C2CD5: variants seen among roughly 807,000 people sequenced by gnomAD.
C2CD5 encodes the protein C2 calcium dependent domain containing 5.
Under a neutral mutation model 130.3 loss-of-function variants are expected in C2CD5, and 109 were observed. The observed-to-expected ratio is 0.84, with a 90% confidence interval of 0.72 to 0.98. C2CD5 has a LOEUF of 0.98. C2CD5 is among the 50% of genes least tolerant of loss of function. C2CD5 has a pLI of 0.00. For synonymous variants in C2CD5, 454 were observed against 429.2 expected (o/e 1.06, Z -0.71); for missense variants, 996 against 1,261.8 (o/e 0.79, Z 3.19).
intron 3 of C2CD5, among the ~76,000 whole-genome samples, chr12:22,531,562 T>C (rs113903665): frequency 3.9e-5 from 6 of 152,188 alleles, no homozygotes; most frequent in African/African-American, 1.4e-4. Flanking sequence ...TTCAATGTTC[T>C]AGCAGATAAC....
Position 22,474,808 on chromosome 12 carries a change from C to G in C2CD5, c.1986G>C (p.Ser662=). 6.2e-7 allele frequency: 1 copy of G among 1,610,258 alleles called. No individual in the cohort carries two copies. Among genetic ancestry groups the G allele is most frequent in the South Asian group, 1.1e-5 (1 of 90,510 alleles). The change falls in exon 16 of 27, where the codon TCG becomes TCC. Residue 662 remains serine (S), a synonymous_variant. Transcript: ENST00000446597. ...SRLLRSQSES[S]DEVTELDLSH... is the part of the protein sequence containing the mutation. ...AAAGGTCTAATTCTGTAACTTCATC[C>G]GAGCTTTCTGATTGAGATCTTAGAA...
chr12:22,465,614 T>G (rs546086115), intron 22 of C2CD5, among the ~76,000 whole-genome samples: 14 of 152,044 alleles, frequency 9.2e-5, no homozygotes, highest in Non-Finnish European at 1.5e-4. Flanking sequence ...TTTTTACTCT[T>G]CTCCCAGACC....
intron 2 of C2CD5, among the ~76,000 whole-genome samples, chr12:22,543,377 T>A (rs1001360417): frequency 6.6e-6 from 1 of 152,218 alleles, no homozygotes; most frequent in East Asian, 1.9e-4. Flanking sequence ...ACTTCCTACC[T>A]CAAGGCGCTA....
At chr12:22,514,499 GAA>G (rs1949512904) in intron 8 of C2CD5, among the ~76,000 whole-genome samples, 1 of 151,842 alleles carries the variant, frequency 6.6e-6, no homozygotes, top group African/African-American at 2.4e-5. Flanking sequence ...TGAAATATCA[GAA>G]AATAGAGCAG....
chr12:22,451,257 A>T (rs1024083631), intron 26 of C2CD5, among the ~76,000 whole-genome samples: 18 of 152,234 alleles, frequency 1.2e-4, no homozygotes, highest in African/African-American at 4.3e-4. Flanking sequence ...ACTACAATTA[A>T]TTTTTTTAAG....
In C2CD5 at chr12:22,458,476, C is replaced by T. The variant is rs770634234; in HGVS notation, c.2686+8G>A. ...GATTATCATAATGTGGTAGAAACAT[C>T]CGCCTACTTGTCTTAATTGATCCAC... On this transcript the variant is annotated splice_region_variant and intron_variant, in intron 24 of 26. Transcript: ENST00000446597. 2.2e-5 allele frequency: 26 copies of T among 1,206,558 alleles called. No homozygotes were observed. The African/African-American group carries it at 3.3e-4, about 15-fold the overall frequency. The allele number at this position is 1,206,558 out of a possible 1,614,324, so 74.7% of individuals were successfully genotyped here. A position where few individuals can be genotyped will look rare whatever the true frequency, so the allele number is the denominator to read the frequency against.
In C2CD5 at chr12:22,484,847, A is replaced by G. The variant is rs749101595; in HGVS notation, c.1400T>C (p.Ile467Thr). 7 of 1,584,308 alleles carry G rather than the reference A, an allele frequency of 4.4e-6. No homozygotes were observed. In the East Asian group the frequency reaches 1.4e-4, roughly 31 times the overall value. The change falls in exon 13 of 27, where the codon ATA becomes ACA. Residue 467 changes from isoleucine to threonine, a missense_variant. Physicochemically the swap from Ile to Thr is moderately conservative, Grantham distance 89. Transcript: ENST00000446597. ...TGGCATATTCAGTTCATCATATGGT[A>G]TATGACAAAATCCACAACGTGTAGG... ...NLPTRCGFCH[I>T]PYDELNMPFP... is the part of the protein sequence containing the mutation.
intron 8 of C2CD5, chr12:22,514,872 TAGAA>T (rs1433376036): frequency 4.2e-6 from 2 of 473,646 alleles, no homozygotes; most frequent in South Asian, 9.1e-5. Flanking sequence ...AGAAAAATAA[TAGAA>T]AGGCATCTTG....
At chr12:22,491,639 C>T (rs898814878) in intron 11 of C2CD5, among the ~76,000 whole-genome samples, 1 of 151,928 alleles carries the variant, frequency 6.6e-6, no homozygotes, top group Admixed American at 6.6e-5. Flanking sequence ...TTTGGGAGGC[C>T]GAGGTGGACA....
Position 22,493,280 on chromosome 12 carries a change from T to C in C2CD5, c.1205A>G (p.His402Arg), listed in dbSNP as rs759444941. 5 of 1,612,410 alleles carry C rather than the reference T, an allele frequency of 3.1e-6. No homozygotes were observed. The highest frequency in any genetic ancestry group is 2.2e-5 in the East Asian group (1 of 44,856). ...WAEIRQEIKS[H>R]AKALGCHAVV... ...AGCATGACAGCCTAATGCTTTAGCA[T>C]GTGATTTTATTTCTTGTCTGATTTC... The change falls in exon 11 of 27, where the codon CAT (histidine) becomes CGT (arginine). Residue 402 changes from histidine (H) to arginine (R), a missense_variant. This residue lies in a region of C2CD5 where 590 missense variants were observed against 631.4 expected (regional missense o/e 0.93). Transcript: ENST00000446597.
intron 10 of C2CD5, among the ~76,000 whole-genome samples, chr12:22,504,077 A>C (rs1232601311): frequency 6.6e-6 from 1 of 152,066 alleles, no homozygotes; most frequent in East Asian, 1.9e-4. Context: ...AATAGGAATC[A>C]TTCTTTTCTT....
At chr12:22,492,425 A>G (rs1946470442) in intron 11 of C2CD5, among the ~76,000 whole-genome samples, 1 of 152,224 alleles carries the variant, frequency 6.6e-6, no homozygotes, top group African/African-American at 2.4e-5. Context: ...GTGATCTGAG[A>G]GTAAAATTTT....
chr12:22,510,516 A>T (rs1022394061), intron 9 of C2CD5, among the ~76,000 whole-genome samples: 7 of 152,240 alleles, frequency 4.6e-5, no homozygotes, highest in Admixed American at 3.3e-4. Context: ...CTATTTAAAT[A>T]GTTTATTCTT....
Position 22,472,295 on chromosome 12 carries a change from A to G in C2CD5, c.2160T>C (p.Ser720=). 2 of 1,508,398 alleles carry G rather than the reference A, an allele frequency of 1.3e-6. No homozygotes were observed. The highest frequency in any genetic ancestry group is 1.8e-6 in the Non-Finnish European group (2 of 1,100,712). The allele number at this position is 1,508,398 out of a possible 1,614,324, so 93.4% of individuals were successfully genotyped here. The change falls in exon 18 of 27, where the codon TCT becomes TCC. Residue 720 remains serine, a synonymous_variant. Transcript: ENST00000446597. ...EIMPGINNWT[S]EIQMFTSVRV... ...AGAAAAAAAGGTTTACCTGTATTTC[A>G]GAGGTCCAATTATTTATACCGGGCA...
At chr12:22,497,573 A>C (rs1179436133) in intron 10 of C2CD5, 2 of 945,720 alleles carry the variant, frequency 2.1e-6, no homozygotes, top group Non-Finnish European at 2.5e-6. Context: ...CTATATTCCC[A>C]AATACCTGAA....
At chr12:22,456,665 A>C (rs1591924364) in intron 25 of C2CD5, among the ~76,000 whole-genome samples, 3 of 152,314 alleles carry the variant, frequency 2.0e-5, no homozygotes, top group Admixed American at 2.0e-4. Flanking sequence ...AAAATTGCTA[A>C]ATTACTGAGG....
intron 14 of C2CD5, among the ~76,000 whole-genome samples, chr12:22,478,732 G>C (rs1944246539): frequency 1.3e-5 from 2 of 152,038 alleles, no homozygotes; most frequent in Non-Finnish European, 2.9e-5. Context: ...CATAATCCCT[G>C]CTACTCAGGA....
chr12:22,518,390 G>T (rs1420450899), intron 7 of C2CD5, among the ~76,000 whole-genome samples: 1 of 151,398 alleles, frequency 6.6e-6, no homozygotes, highest in African/African-American at 2.4e-5. Flanking sequence ...CAGACTAAGG[G>T]GATAAAAAAT....
chr12:22,468,034 ACAAT>A lies in C2CD5; in HGVS notation c.2533+1671_2533+1674del, dbSNP rs376167040. Reference sequence around the variant, plus strand: ...CACAAATACCTTTTCCTACAGAATAACAATCAATCAAACCTTTGTCGATTAGGTT... The same window carrying A: ...CACAAATACCTTTTCCTACAGAATAACAATCAAACCTTTGTCGATTAGGTT... On this transcript the variant is annotated intron_variant, in intron 22 of 26. Coordinates refer to ENST00000446597, the MANE Select transcript of C2CD5 (RefSeq NM_001286176.2). Among the ~76,000 whole-genome samples the A allele has an allele frequency of 5.1e-4, 77 of 152,054 alleles. 1 individual carries two copies. The highest frequency in any genetic ancestry group is 1.8e-3 in the African/African-American group (74 of 41,480).
Sources: gnomAD v4.1 joint callset for allele counts (sites outside exome capture counted in the v4.1 genomes callset) on GRCh38, gnomAD v4.1.1 for gene constraint, gnomAD v4.1.1 regional missense constraint, MANE v1.5 for transcripts, NCBI Gene and HGNC (gene_info 2026-07-23, HGNC 2026-07-21) for gene names.